Variants in LAPTM4A observed in about 807,000 individuals in gnomAD.
LAPTM4A encodes lysosomal protein transmembrane 4 alpha, also known as lysosomal-associated transmembrane protein 4A.
A neutral mutation model predicts 29.9 loss-of-function variants in LAPTM4A; 19 were observed. The observed-to-expected ratio is 0.64, with a 90% CI of 0.44 to 0.93. The LOEUF (loss-of-function observed/expected upper bound fraction) is 0.93, where lower values mean the gene tolerates loss of function less well. LAPTM4A is among the 40% of genes least tolerant of loss of function. LAPTM4A has a pLI of 0.00. For synonymous variants in LAPTM4A, 105 were observed against 102.1 expected (o/e 1.03, Z -0.17); for missense variants, 293 against 288.5 (o/e 1.02, Z -0.11).
chr2:20,037,498 T>C, intron 3 of LAPTM4A, 40 bp downstream of exon 3: 1 of 1,602,286 alleles, frequency 6.2e-7, no homozygotes, highest in Non-Finnish European at 8.5e-7. Context: ...TAAGCTCCCC[T>C]AAGGTCAAAC....
chr2:20,046,675 A>ATGTG (rs1332261909), intron 1 of LAPTM4A, among the ~76,000 whole-genome samples: 3 of 147,502 alleles, frequency 2.0e-5, no homozygotes, highest in African/African-American at 7.4e-5. Flanking sequence ...ATATGTATGT[A>ATGTG]TGTGTGTGTG....
At chr2:20,047,961 A>G (rs1020661528) in intron 1 of LAPTM4A, among the ~76,000 whole-genome samples, 5 of 152,224 alleles carry the variant, frequency 3.3e-5, no homozygotes, top group South Asian at 2.1e-4. Context: ...AAGGAAGGAA[A>G]CTAACAAATA....
At chr2:20,038,230 C>G (rs1035114051) in intron 2 of LAPTM4A, among the ~76,000 whole-genome samples, 6 of 152,190 alleles carry the variant, frequency 3.9e-5, no homozygotes, top group Non-Finnish European at 7.4e-5. Flanking sequence ...GCTTCCTGCA[C>G]CCTGGTATCT....
Position 20,051,414 on chromosome 2 carries a change from T to A in LAPTM4A, c.107A>T (p.Tyr36Phe). ...RTGTIILGTW[Y>F]MVVNLLMAIL... ...CGCCACGCCTGCCCGCCTTACCATG[T>A]ACCAGGTCCCCAGGATGATCGTCCC... The change falls in exon 1 of 7, where the codon TAC becomes TTC. Residue 36 changes from tyrosine (Y) to phenylalanine (F), a missense_variant. Transcript: ENST00000175091. The A allele has an allele frequency of 6.2e-7, 1 of 1,609,236 alleles. No individual in the cohort carries two copies. The highest frequency in any genetic ancestry group is 1.1e-5 in the South Asian group (1 of 90,830).
chr2:20,042,309 C>T (rs896858400), intron 1 of LAPTM4A, among the ~76,000 whole-genome samples: 3 of 152,198 alleles, frequency 2.0e-5, no homozygotes, highest in African/African-American at 7.2e-5. Context: ...GAGAGTAACT[C>T]CCTAAAACAC....
chr2:20,035,993 G>T (rs566456944), intron 4 of LAPTM4A, among the ~76,000 whole-genome samples: 2 of 152,282 alleles, frequency 1.3e-5, no homozygotes, highest in East Asian at 3.9e-4. Context: ...CAGCCAGGTT[G>T]TCTCCTTGGG....
rs987759659 is a variant in LAPTM4A at position 20,037,057 on chromosome 2, A to C, written c.432+259T>G. Among the ~76,000 whole-genome samples, 8 of 152,214 alleles carry C rather than the reference A, an allele frequency of 5.3e-5. No individual in the cohort carries two copies. The East Asian group carries it at 1.5e-3, about 29-fold the overall frequency. ...TGTACCTTTGGATGCTCAAAAACAAAAGCTGAACTACTAGTTCCATAATAT... is the reference window on the plus strand; with the variant it reads ...TGTACCTTTGGATGCTCAAAAACAACAGCTGAACTACTAGTTCCATAATAT... On this transcript the variant is annotated intron_variant, in intron 4 of 6. Coordinates refer to ENST00000175091, the MANE Select transcript of LAPTM4A (RefSeq NM_014713.5).
At position 20,034,336 on chromosome 2, in the gene LAPTM4A, G is replaced by A. The variant is rs1383050134; in HGVS notation, c.608C>T (p.Ala203Val). Residue 203 changes from alanine (A) to valine (V), a missense_variant, in exon 6 of 7, where the codon GCC becomes GTC. By Grantham distance (64) the Ala-to-Val change is moderately conservative. Transcript: ENST00000175091. ...RNVPEIAVYP[A>V]FEAPPQYVLP... ...GCTAACCTGAGGAGGTGCTTCAAAGGCAGGGTACACAGCAATCTCCGGCAC... is the reference window on the plus strand; with the variant it reads ...GCTAACCTGAGGAGGTGCTTCAAAGACAGGGTACACAGCAATCTCCGGCAC... The A allele has an allele frequency of 2.5e-6, 4 of 1,613,194 alleles. No individual in the cohort carries two copies. Among genetic ancestry groups the A allele is most frequent in the East Asian group, 4.5e-5 (2 of 44,870 alleles).
intron 4 of LAPTM4A, chr2:20,035,273 C>T (rs567991458): frequency 7.7e-5 from 39 of 506,816 alleles, no homozygotes; most frequent in East Asian, 6.9e-4. Context: ...CATTTGATAA[C>T]CCACAATGCT....
intron 1 of LAPTM4A, among the ~76,000 whole-genome samples, chr2:20,046,496 T>C (rs1673922574): frequency 6.6e-6 from 1 of 151,546 alleles, no homozygotes; most frequent in South Asian, 2.1e-4. Context: ...ATCACACACA[T>C]TTTATTTTGA....
chr2:20,049,721 G>A (rs113054353), intron 1 of LAPTM4A, among the ~76,000 whole-genome samples: 4,044 of 152,248 alleles, frequency 0.027, 171 homozygotes, highest in African/African-American at 0.091. Flanking sequence ...TGTGAGTGGA[G>A]GGAAGGATCT....
chr2:20,033,417 ATG>A (rs1673615649), intron 6 of LAPTM4A, 138 bp from the exon 7 acceptor site: 1 of 703,010 alleles, frequency 1.4e-6, no homozygotes, highest in East Asian at 2.7e-5. Context: ...GTTAGCTAAA[ATG>A]TTCCCAAGTA....
intron 6 of LAPTM4A, 128 bp from the exon 7 acceptor site, chr2:20,033,407 G>T: frequency 1.4e-6 from 1 of 724,950 alleles, no homozygotes; most frequent in South Asian, 1.7e-5. Context: ...TGAAGAAACT[G>T]TTAGCTAAAA....
chr2:20,033,795 T>C (rs912404557), intron 6 of LAPTM4A, among the ~76,000 whole-genome samples: 2 of 152,184 alleles, frequency 1.3e-5, no homozygotes, highest in Non-Finnish European at 2.9e-5. Context: ...ACTCCAAGTC[T>C]GAAAGCCTGG....
At position 20,051,621 on chromosome 2, in the gene LAPTM4A, G is replaced by T; in HGVS notation, c.-101C>A. ...TTCACGGCCTCCAAAACCCAACGACGCGTCTTCAAACCCGCCCCCGGCTCG... is the reference window on the plus strand; with the variant it reads ...TTCACGGCCTCCAAAACCCAACGACTCGTCTTCAAACCCGCCCCCGGCTCG... On this transcript the variant is annotated 5_prime_UTR_variant, in exon 1 of 7. Coordinates refer to ENST00000175091, the MANE Select transcript of LAPTM4A (RefSeq NM_014713.5). 3 of 754,496 alleles carry T rather than the reference G, an allele frequency of 4.0e-6. No individual in the cohort carries two copies. Among genetic ancestry groups the T allele is most frequent in the Non-Finnish European group, 2.2e-6 (1 of 453,990 alleles). 46.7% of individuals were successfully genotyped at this position (754,496 alleles called of 1,614,324 possible). A position where few individuals can be genotyped will look rare whatever the true frequency, so the allele number is the denominator to read the frequency against.
At chr2:20,050,364 G>A (rs559878442) in intron 1 of LAPTM4A, among the ~76,000 whole-genome samples, 1 of 152,216 alleles carries the variant, frequency 6.6e-6, no homozygotes, top group South Asian at 2.1e-4. Flanking sequence ...ATTGTGTCTG[G>A]GATAACTCTC....
intron 1 of LAPTM4A, 99 bp from the exon 2 acceptor site, chr2:20,041,110 T>G: frequency 8.4e-7 from 1 of 1,185,388 alleles, no homozygotes; most frequent in Non-Finnish European, 1.2e-6. Flanking sequence ...TTGTCTTACT[T>G]GAAGTAACAA....
intron 2 of LAPTM4A, among the ~76,000 whole-genome samples, chr2:20,040,494 C>T (rs1028554514): frequency 6.6e-6 from 1 of 152,276 alleles, no homozygotes; most frequent in Middle Eastern, 3.4e-3. Flanking sequence ...CCTAAATAAC[C>T]AGTGTGTGTG....
chr2:20,039,793 C>T (rs548204548), intron 2 of LAPTM4A, among the ~76,000 whole-genome samples: 1 of 152,172 alleles, frequency 6.6e-6, no homozygotes, highest in Non-Finnish European at 1.5e-5. Flanking sequence ...CTGTGGCACG[C>T]CTGTAATCCC....
Sources: allele counts gnomAD v4.1 joint callset (sites outside exome capture counted in the v4.1 genomes callset), GRCh38; gene constraint gnomAD v4.1.1; transcripts MANE v1.5; gene names NCBI Gene and HGNC (gene_info 2026-07-23, HGNC 2026-07-21).